MTFR1: variants seen among roughly 807,000 people sequenced by gnomAD.
MTFR1 encodes the protein chondrocyte protein with a poly-proline region.
A neutral mutation model predicts 38.8 loss-of-function variants in MTFR1; 28 were observed. That is an observed-to-expected ratio of 0.72 (90% CI 0.53 to 0.99). MTFR1 has a LOEUF of 0.99. Among genes scored for constraint, MTFR1 ranks in the 50% least tolerant of loss-of-function variants. The probability of loss-of-function intolerance (pLI) is 0.00; values close to 1 mark genes in which losing one functional copy is unlikely to be tolerated. For missense variants in MTFR1, 358 were observed against 395.5 expected (o/e 0.91, Z 0.81); for synonymous variants, 145 against 137.0 (o/e 1.06, Z -0.41).
intron 3 of MTFR1, chr8:65,770,827 G>A (rs990559364): frequency 1.3e-5 from 2 of 157,362 alleles, no homozygotes; most frequent in African/African-American, 2.4e-5. Flanking sequence ...TTAGCTGATT[G>A]CCTAAGTTTC....
intron 1 of MTFR1, among the ~76,000 whole-genome samples, chr8:65,664,029 TGGTCTC>T (rs1393787084): frequency 1.3e-5 from 2 of 152,118 alleles, no homozygotes; most frequent in African/African-American, 4.8e-5. Context: ...TTGGCCAGGC[TGGTCTC>T]GAACTCCTGA....
At chr8:65,646,774 C>T (rs17394860) in intron 1 of MTFR1, among the ~76,000 whole-genome samples, 30,696 of 152,148 alleles carry the variant, frequency 0.2, 3,236 homozygotes, top group Middle Eastern at 0.23. Context: ...TGAATAGCCT[C>T]TACCACTCCT....
chr8:65,753,329 A>G (rs1054238415), intron 3 of MTFR1, among the ~76,000 whole-genome samples: 2 of 152,210 alleles, frequency 1.3e-5, no homozygotes, highest in African/African-American at 4.8e-5. Context: ...TCTGAGCTCT[A>G]CTACCCAAAT....
chr8:65,751,602 C>T (rs1416796226), intron 3 of MTFR1, among the ~76,000 whole-genome samples: 1 of 152,148 alleles, frequency 6.6e-6, no homozygotes, highest in Admixed American at 6.5e-5. Flanking sequence ...AAGCAATTCT[C>T]CTGCCTCAGC....
At chr8:65,652,072 G>T (rs547350175) in intron 1 of MTFR1, among the ~76,000 whole-genome samples, 2 of 151,538 alleles carry the variant, frequency 1.3e-5, no homozygotes, top group Non-Finnish European at 2.9e-5. Flanking sequence ...CTCCCATGTA[G>T]TTGGGACTAC....
intron 3 of MTFR1, among the ~76,000 whole-genome samples, chr8:65,688,860 G>A (rs190813536): frequency 3.9e-5 from 6 of 152,152 alleles, no homozygotes; most frequent in Non-Finnish European, 8.8e-5. Flanking sequence ...ATATGTATAT[G>A]TGGGCTGGGT....
Position 65,682,334 on chromosome 8 carries a change from GT to G in MTFR1, c.67-14del. The G allele has an allele frequency of 7.0e-7, 1 of 1,420,280 alleles. No homozygotes were observed. The highest frequency in any genetic ancestry group is 9.6e-7 in the Non-Finnish European group (1 of 1,040,062). 88.0% of individuals were successfully genotyped at this position (1,420,280 alleles called of 1,614,324 possible). ...TGTACATCTTGTAATTAAGCTTTCG[GT>G]TTTTCCTACTTCCTCAGGTACTTTG... is the stretch of plus-strand genomic sequence containing the variant. On this transcript the variant is annotated intron_variant, in intron 2 of 7. Coordinates refer to ENST00000262146, the MANE Select transcript of MTFR1 (RefSeq NM_014637.4).
Position 65,737,022 on chromosome 8 carries a change from G to A in MTFR1, c.*48+17541G>A, listed in dbSNP as rs1379175474. 2.7e-5 allele frequency among the ~76,000 whole-genome samples: 4 copies of A among 150,594 alleles called. No homozygotes were observed. The East Asian group carries it at 8.3e-4, about 31-fold the overall frequency. ...CTCAGCCTGGATGAGGTGGGAGGCT[G>A]GCTGGAGCTTGGGAAGTTGAGGTTG... On this transcript the variant is annotated intron_variant, in intron 3 of 3. Transcript: ENST00000521247.
At chr8:65,682,304 A>G in intron 2 of MTFR1, 49 bp from the exon 3 acceptor site, 1 of 908,532 alleles carries the variant, frequency 1.1e-6, no homozygotes, top group Non-Finnish European at 1.7e-6. Context: ...TTGTCTTAAC[A>G]GTTCTGTACA....
intron 1 of MTFR1, among the ~76,000 whole-genome samples, chr8:65,652,272 A>C (rs949692369): frequency 1.3e-5 from 2 of 151,946 alleles, no homozygotes; most frequent in Admixed American, 6.6e-5. Flanking sequence ...ACACCCGGCA[A>C]ATTTTGTATT....
chr8:65,696,984 C>CT (rs572196375), intron 4 of MTFR1, among the ~76,000 whole-genome samples: 14,145 of 111,202 alleles, frequency 0.13, 1,754 homozygotes, highest in East Asian at 0.54. Flanking sequence ...TTGGGACTGG[C>CT]TTTTTTTTTT....
At chr8:65,657,813 A>T (rs919289881) in intron 1 of MTFR1, among the ~76,000 whole-genome samples, 10 of 152,204 alleles carry the variant, frequency 6.6e-5, no homozygotes, top group African/African-American at 2.4e-4. Flanking sequence ...ATAATTGTAC[A>T]TATTTATGGA....
downstream of MTFR1, among the ~76,000 whole-genome samples, chr8:65,712,928 G>C (rs936355563): frequency 3.3e-5 from 5 of 152,208 alleles, no homozygotes; most frequent in African/African-American, 9.6e-5. Flanking sequence ...AATCATTACA[G>C]TCTCCTGCTG....
chr8:65,711,107 ATTAT>A (rs1027296444), downstream of MTFR1, among the ~76,000 whole-genome samples: 1 of 152,050 alleles, frequency 6.6e-6, no homozygotes, highest in African/African-American at 2.4e-5. Flanking sequence ...TTACTTTTGC[ATTAT>A]TTTACACAGG....
intron 3 of MTFR1, among the ~76,000 whole-genome samples, chr8:65,685,794 A>T (rs1052548429): frequency 4.6e-5 from 7 of 152,242 alleles, no homozygotes; most frequent in African/African-American, 1.7e-4. Flanking sequence ...AATAAATGCC[A>T]TATAGTATGA....
chr8:65,667,667 A>G (rs1470009880), intron 1 of MTFR1, among the ~76,000 whole-genome samples: 3 of 152,120 alleles, frequency 2.0e-5, no homozygotes, highest in Admixed American at 6.6e-5. Flanking sequence ...ACTTCAGGCA[A>G]TCTTCCTGCC....
chr8:65,690,653 G>C (rs1177044468), intron 3 of MTFR1, among the ~76,000 whole-genome samples: 1 of 151,986 alleles, frequency 6.6e-6, no homozygotes, highest in African/African-American at 2.4e-5. Context: ...TGTAACTTCT[G>C]TAGGAAAGTA....
downstream of MTFR1, among the ~76,000 whole-genome samples, chr8:65,775,538 A>C (rs1429375222): frequency 6.6e-6 from 1 of 152,208 alleles, no homozygotes; most frequent in Admixed American, 6.5e-5. Context: ...AATTTGAAAA[A>C]TTTCCAGGTG....
downstream of MTFR1, among the ~76,000 whole-genome samples, chr8:65,773,426 C>T (rs1017422573): frequency 6.6e-6 from 1 of 152,100 alleles, no homozygotes; most frequent in Non-Finnish European, 1.5e-5. Context: ...ATGATGAGAT[C>T]GAGAGGATAA....
Sources: allele counts gnomAD v4.1 joint callset (sites outside exome capture counted in the v4.1 genomes callset), GRCh38; gene constraint gnomAD v4.1.1; transcripts MANE v1.5; gene names NCBI Gene and HGNC (gene_info 2026-07-23, HGNC 2026-07-21).